The following AFTPH variants were observed in gnomAD, a reference collection of about 807,000 sequenced individuals.
AFTPH encodes the protein aftiphilin.
In AFTPH, 7 loss-of-function variants were observed where a neutral mutation model predicts 72.5. The ratio of observed to expected loss-of-function variants is 0.10; its 90% CI spans 0.05 to 0.18. AFTPH has a LOEUF of 0.18. Ranked by LOEUF, AFTPH falls within the 10% of genes least tolerant of loss-of-function variation. The pLI is 1.00. For synonymous variants in AFTPH, 337 were observed against 370.1 expected, an observed-to-expected ratio of 0.91 and a Z score of 1.03; for missense variants, 979 against 1,060.5, an observed-to-expected ratio of 0.92 and a Z score of 1.07.
intron 2 of AFTPH, among the ~76,000 whole-genome samples, chr2:64,562,156 A>C (rs1671782004): frequency 6.6e-6 from 1 of 152,196 alleles, no homozygotes; most frequent in Non-Finnish European, 1.5e-5. Context: ...TTCATGGAGT[A>C]ATACATGTAG....
At chr2:64,551,073 T>C (rs1446183594) in intron 1 of AFTPH, among the ~76,000 whole-genome samples, 4 of 152,184 alleles carry the variant, frequency 2.6e-5, no homozygotes, top group Non-Finnish European at 5.9e-5. Flanking sequence ...CCTTAATGAA[T>C]TGAAGGAGAA....
At chr2:64,538,425 C>T (rs7567596) in intron 1 of AFTPH, among the ~76,000 whole-genome samples, 55,126 of 151,908 alleles carry the variant, frequency 0.36, 10,222 homozygotes, top group African/African-American at 0.45. Context: ...ATCGGTAGAC[C>T]CATTTGTGGC....
chr2:64,541,732 T>C (rs1038727427), intron 1 of AFTPH, among the ~76,000 whole-genome samples: 1 of 152,202 alleles, frequency 6.6e-6, no homozygotes, highest in Non-Finnish European at 1.5e-5. Flanking sequence ...GTAATGTAAA[T>C]TGATGTTGTT....
At chr2:64,552,048 G>T in exon 2 of AFTPH, 1 of 1,613,990 alleles carries the variant, frequency 6.2e-7, no homozygotes, top group Non-Finnish European at 8.5e-7. Flanking sequence ...GTTGGAAACT[G>T]TAAATCCTCA....
At chr2:64,579,671 T>A in intron 7 of AFTPH, 125 bp downstream of exon 7, 1 of 833,508 alleles carries the variant, frequency 1.2e-6, no homozygotes, top group South Asian at 1.9e-5. Context: ...CTTTGGAAAT[T>A]CAGGCTTTCT....
intron 1 of AFTPH, among the ~76,000 whole-genome samples, chr2:64,537,215 T>G (rs1475881008): frequency 6.6e-6 from 1 of 152,180 alleles, no homozygotes; most frequent in African/African-American, 2.4e-5. Flanking sequence ...GAATACATCC[T>G]TGCAGATGAA....
rs1214703408 is a variant in AFTPH at position 64,574,092 on chromosome 2, C to T, written c.2394+1024C>T. ...AATGGGCCATTTGGGCTTGCTTACT[C>T]TTTCCATATCAAGTTACAAACTGAC... is the stretch of plus-strand genomic sequence containing the variant. On this transcript the variant is annotated intron_variant, in intron 6 of 8. Transcript: ENST00000238856. Among the ~76,000 whole-genome samples, 4 of 152,338 alleles carry T rather than the reference C, an allele frequency of 2.6e-5. No individual in the cohort carries two copies. In the South Asian group the frequency reaches 6.2e-4, roughly 24 times the overall value.
chr2:64,558,897 C>T (rs1384953050), intron 2 of AFTPH, among the ~76,000 whole-genome samples: 1 of 152,160 alleles, frequency 6.6e-6, no homozygotes, highest in East Asian at 1.9e-4. Context: ...CCAGCACTTA[C>T]TCAGACTGGA....
exon 4 of AFTPH, chr2:64,569,160 G>A (rs758165281): frequency 6.2e-7 from 1 of 1,614,104 alleles, no homozygotes; most frequent in Non-Finnish European, 8.5e-7. Flanking sequence ...TACCAGTGGG[G>A]CGGCTCCCAT....
intron 6 of AFTPH, among the ~76,000 whole-genome samples, chr2:64,576,539 T>G (rs568517574): frequency 6.6e-6 from 1 of 152,342 alleles, no homozygotes; most frequent in East Asian, 1.9e-4. Context: ...TTTTATCTGC[T>G]GAATTTCAAG....
intron 2 of AFTPH, among the ~76,000 whole-genome samples, chr2:64,566,599 C>A (rs1461182337): frequency 6.6e-6 from 1 of 151,900 alleles, no homozygotes; most frequent in African/African-American, 2.4e-5. Context: ...AATTTGTATT[C>A]CCAGTTGATG....
intron 2 of AFTPH, 38 bp downstream of exon 2, chr2:64,553,447 ATTG>A (rs1328595505): frequency 1.1e-5 from 16 of 1,515,394 alleles, no homozygotes; most frequent in Non-Finnish European, 1.4e-5. Context: ...TGATGTATTA[ATTG>A]TTGTGGAGGC....
intron 1 of AFTPH, among the ~76,000 whole-genome samples, chr2:64,531,094 A>G (rs1295383304): frequency 6.6e-6 from 1 of 151,366 alleles, no homozygotes; most frequent in Non-Finnish European, 1.5e-5. Flanking sequence ...CCACAAAATG[A>G]AAAAAACCAT....
intron 1 of AFTPH, among the ~76,000 whole-genome samples, chr2:64,548,120 G>A (rs1431368349): frequency 3.4e-5 from 5 of 146,714 alleles, no homozygotes; most frequent in South Asian, 4.2e-4. Flanking sequence ...AGGGCCGGGC[G>A]CGGTGGCTCA....
At chr2:64,569,661 C>T (rs1466863739) in exon 5 of AFTPH, 1 of 1,613,528 alleles carries the variant, frequency 6.2e-7, no homozygotes, top group Non-Finnish European at 8.5e-7. Flanking sequence ...TTATAGTGCC[C>T]ATGTATGCAG....
At chr2:64,586,981 T>C (rs2104247511) in intron 8 of AFTPH, among the ~76,000 whole-genome samples, 1 of 152,348 alleles carries the variant, frequency 6.6e-6, no homozygotes, top group Non-Finnish European at 1.5e-5. Flanking sequence ...TTCTACTCTT[T>C]CCTTCCTTTG....
intron 1 of AFTPH, among the ~76,000 whole-genome samples, chr2:64,542,976 A>C (rs1572957331): frequency 6.6e-6 from 1 of 152,338 alleles, no homozygotes; most frequent in East Asian, 1.9e-4. Flanking sequence ...ATTATCAAAC[A>C]GTTTTCCGAA....
chr2:64,583,962 GA>G (rs1010357866), intron 7 of AFTPH, among the ~76,000 whole-genome samples: 2 of 151,930 alleles, frequency 1.3e-5, no homozygotes, highest in East Asian at 3.9e-4. Context: ...ATCTTAAAAG[GA>G]AAAAAACTTG....
intron 6 of AFTPH, among the ~76,000 whole-genome samples, chr2:64,576,096 C>CAT (rs1672769819): frequency 8.9e-6 from 1 of 112,160 alleles, no homozygotes; most frequent in African/African-American, 5.8e-5. Context: ...CACACACACA[C>CAT]ACACACACAC....
Sources: allele counts gnomAD v4.1 joint callset (sites outside exome capture counted in the v4.1 genomes callset), GRCh38; gene constraint gnomAD v4.1.1; transcripts MANE v1.5; gene names NCBI Gene and HGNC (gene_info 2026-07-23, HGNC 2026-07-21).